CCSER1: variants seen among roughly 807,000 people sequenced by gnomAD.
CCSER1 encodes serine-rich coiled-coil domain-containing protein 1.
A neutral mutation model predicts 82.0 loss-of-function variants in CCSER1; 41 were observed. The ratio of observed to expected loss-of-function variants is 0.50; its 90% CI spans 0.39 to 0.65. CCSER1 has a LOEUF of 0.65. CCSER1 is among the 30% of genes least tolerant of loss of function. The probability of loss-of-function intolerance (pLI) is 0.00; values close to 1 mark genes in which losing one functional copy is unlikely to be tolerated. For missense variants in CCSER1, 1,119 were observed against 1,064.2 expected (o/e 1.05, Z -0.72); for synonymous variants, 414 against 383.9 (o/e 1.08, Z -0.92).
rs1280785993 is a variant in CCSER1 at position 91,440,684 on chromosome 4, G to A, written c.2218-157888G>A. Among the ~76,000 whole-genome samples, 5 of 152,212 alleles carry A rather than the reference G, an allele frequency of 3.3e-5. No homozygotes were observed. The East Asian group carries it at 9.7e-4, about 29-fold the overall frequency. Reference sequence around the variant, plus strand: ...CAAAAAATTAATGAATCCAGGAGCTGTTTTTTTGAAAGGATCAACAACATT... The same window carrying A: ...CAAAAAATTAATGAATCCAGGAGCTATTTTTTTGAAAGGATCAACAACATT... On this transcript the variant is annotated intron_variant, in intron 10 of 10. Coordinates refer to ENST00000509176, the MANE Select transcript of CCSER1 (RefSeq NM_001145065.2).
intron 1 of CCSER1, among the ~76,000 whole-genome samples, chr4:90,263,534 C>G (rs1230553252): frequency 1.3e-5 from 2 of 152,102 alleles, no homozygotes; most frequent in African/African-American, 2.4e-5. Context: ...TCTGGTTAAC[C>G]AGAGTACTGC....
intron 8 of CCSER1, among the ~76,000 whole-genome samples, chr4:90,888,171 T>C (rs10470939): frequency 0.054 from 8,287 of 152,244 alleles, 295 homozygotes; most frequent in Admixed American, 0.11. Flanking sequence ...TGAAAATAAC[T>C]TAATGCTACT....
At chr4:91,231,200 A>C (rs1485804495) in intron 10 of CCSER1, among the ~76,000 whole-genome samples, 1 of 151,892 alleles carries the variant, frequency 6.6e-6, no homozygotes, top group Admixed American at 6.6e-5. Context: ...AGGGGAAACA[A>C]AGTGAATGGT....
At chr4:90,240,680 C>A (rs112446143) in intron 1 of CCSER1, among the ~76,000 whole-genome samples, 259 of 152,302 alleles carry the variant, frequency 1.7e-3, no homozygotes, top group African/African-American at 6.0e-3. Context: ...GCACACATTG[C>A]CTTACATTTA....
At chr4:90,129,947 A>G (rs1236949992) in intron 1 of CCSER1, among the ~76,000 whole-genome samples, 1 of 152,158 alleles carries the variant, frequency 6.6e-6, no homozygotes, top group Non-Finnish European at 1.5e-5. Context: ...TAATTGATGA[A>G]CTGTATTATT....
chr4:90,535,514 A>G (rs1775206940), intron 5 of CCSER1, among the ~76,000 whole-genome samples: 1 of 152,192 alleles, frequency 6.6e-6, no homozygotes, highest in Admixed American at 6.5e-5. Flanking sequence ...TTTTTTAAAG[A>G]ACTATATTGT....
At chr4:91,261,163 A>G (rs1020524005) in intron 10 of CCSER1, among the ~76,000 whole-genome samples, 11 of 152,120 alleles carry the variant, frequency 7.2e-5, no homozygotes, top group Admixed American at 2.0e-4. Flanking sequence ...ATTTTTTTCT[A>G]ATTTTTCAGA....
chr4:91,210,482 C>T (rs1396878845), intron 10 of CCSER1, among the ~76,000 whole-genome samples: 6 of 150,174 alleles, frequency 4.0e-5, no homozygotes, highest in African/African-American at 1.2e-4. Context: ...ATCAAACTGA[C>T]ACAATTGGAA....
chr4:91,209,648 A>T (rs1216579331), intron 10 of CCSER1, among the ~76,000 whole-genome samples: 1 of 151,862 alleles, frequency 6.6e-6, no homozygotes, highest in Non-Finnish European at 1.5e-5. Context: ...ATCTACGTTA[A>T]TCAAGAATAT....
At chr4:91,438,936 G>A (rs1426014828) in intron 10 of CCSER1, among the ~76,000 whole-genome samples, 2 of 152,072 alleles carry the variant, frequency 1.3e-5, no homozygotes, top group Non-Finnish European at 2.9e-5. Flanking sequence ...AGAGAAAAAA[G>A]AATAAAAAGA....
At chr4:91,508,242 A>G (rs950008662) in intron 10 of CCSER1, among the ~76,000 whole-genome samples, 3 of 122,422 alleles carry the variant, frequency 2.5e-5, no homozygotes, top group African/African-American at 9.4e-5. Flanking sequence ...GGGTTTTTTC[A>G]TTGATCTTCA....
chr4:90,903,252 A>T (rs903289366), intron 8 of CCSER1, among the ~76,000 whole-genome samples: 1 of 152,116 alleles, frequency 6.6e-6, no homozygotes, highest in African/African-American at 2.4e-5. Context: ...CATGGTGACC[A>T]GCCTTTCCCA....
chr4:90,329,181 G>C (rs935156354), intron 3 of CCSER1, among the ~76,000 whole-genome samples: 1 of 152,054 alleles, frequency 6.6e-6, no homozygotes, highest in Non-Finnish European at 1.5e-5. Flanking sequence ...ATACTTTTTT[G>C]TCAGTTAGAT....
chr4:90,430,725 C>T (rs1228356647), intron 4 of CCSER1, among the ~76,000 whole-genome samples: 1 of 151,486 alleles, frequency 6.6e-6, no homozygotes, highest in Admixed American at 6.6e-5. Context: ...AATAATCTCA[C>T]TTTTGTAAAA....
intron 10 of CCSER1, among the ~76,000 whole-genome samples, chr4:91,561,345 G>C (rs1173764750): frequency 1.3e-5 from 2 of 151,488 alleles, no homozygotes; most frequent in South Asian, 2.1e-4. Flanking sequence ...ATTTGATTCT[G>C]AAGTCTTTTA....
chr4:90,567,481 G>A (rs1579205948), intron 5 of CCSER1, among the ~76,000 whole-genome samples: 1 of 151,756 alleles, frequency 6.6e-6, no homozygotes, highest in Non-Finnish European at 1.5e-5. Flanking sequence ...GTAGAGACGG[G>A]GTTTCTCCAT....
intron 3 of CCSER1, among the ~76,000 whole-genome samples, chr4:90,332,161 T>C (rs1739409434): frequency 6.6e-6 from 1 of 152,186 alleles, no homozygotes; most frequent in African/African-American, 2.4e-5. Context: ...TAACCAAACT[T>C]ACTTTCATGC....
intron 3 of CCSER1, among the ~76,000 whole-genome samples, chr4:90,335,291 A>C (rs1740173471): frequency 6.6e-6 from 1 of 152,236 alleles, no homozygotes; most frequent in Admixed American, 6.5e-5. Flanking sequence ...AAAGTGCCAC[A>C]CTTAATTTTT....
chr4:91,161,382 G>A (rs1731380514), intron 10 of CCSER1, among the ~76,000 whole-genome samples: 1 of 152,122 alleles, frequency 6.6e-6, no homozygotes, highest in Non-Finnish European at 1.5e-5. Flanking sequence ...TCTTGGCAAT[G>A]TGGGCTCTTT....
Sources: gnomAD v4.1 joint callset for allele counts (sites outside exome capture counted in the v4.1 genomes callset) on GRCh38, gnomAD v4.1.1 for gene constraint, MANE v1.5 for transcripts, NCBI Gene and HGNC (gene_info 2026-07-23, HGNC 2026-07-21) for gene names.